Variants in LRP1B observed in about 807,000 individuals in gnomAD.
LRP1B encodes LDL receptor related protein 1B.
Under a neutral mutation model 556.6 loss-of-function variants are expected in LRP1B, and 217 were observed. The ratio of observed to expected loss-of-function variants is 0.39; its 90% CI spans 0.35 to 0.44. LRP1B has a LOEUF of 0.44. Ranked by LOEUF, LRP1B falls within the 20% of genes least tolerant of loss-of-function variation. The probability of loss-of-function intolerance (pLI) is 1.00; values close to 1 mark genes in which losing one functional copy is unlikely to be tolerated. For missense variants in LRP1B, 5,053 were observed against 5,620.8 expected (o/e 0.90, Z 3.23); for synonymous variants, 2,047 against 1,865.8 (o/e 1.10, Z -2.50).
chr2:140,857,132 A>C (rs1343324656), intron 27 of LRP1B, among the ~76,000 whole-genome samples: 2 of 152,188 alleles, frequency 1.3e-5, no homozygotes, highest in Non-Finnish European at 2.9e-5. Context: ...CTTTAAATCC[A>C]AACAACCAGT....
intron 7 of LRP1B, among the ~76,000 whole-genome samples, chr2:141,159,381 GT>G (rs1702147728): frequency 2.0e-5 from 3 of 152,114 alleles, no homozygotes; most frequent in Admixed American, 1.3e-4. Flanking sequence ...TCATTAATAA[GT>G]TTTTATTTTT....
rs1393041210 is a variant in LRP1B, at chr2:140,526,259, A to G, written c.7854T>C (p.Asp2618=). ...TACTGCAGTTCTTTTCATCTGAAGC[A>G]TCTGCACAATCTATGTTCTGGTTGC... ...ARCNQNIDCA[D]ASDEKNCNNT... is the part of the protein sequence containing the mutation. The change falls in exon 48 of 91, where the codon GAT becomes GAC. Residue 2618 remains aspartate (D), a synonymous_variant. Transcript: ENST00000389484. 1.9e-6 allele frequency: 3 copies of G among 1,611,800 alleles called. No homozygotes were observed. The highest frequency in any genetic ancestry group is 2.7e-5 in the African/African-American group (2 of 74,786).
intron 18 of LRP1B, among the ~76,000 whole-genome samples, chr2:140,978,187 G>A (rs1226000690): frequency 1.3e-5 from 2 of 152,144 alleles, no homozygotes; most frequent in African/African-American, 2.4e-5. Flanking sequence ...CCTAAAATGT[G>A]CAATTAACTC....
intron 7 of LRP1B, among the ~76,000 whole-genome samples, chr2:141,145,748 G>T (rs1273372033): frequency 6.6e-6 from 1 of 151,664 alleles, no homozygotes; most frequent in Non-Finnish European, 1.5e-5. Flanking sequence ...GGTCAGGCTG[G>T]TCTCATACTC....
At chr2:140,368,106 T>C (rs143562076) in intron 71 of LRP1B, among the ~76,000 whole-genome samples, 3 of 151,928 alleles carry the variant, frequency 2.0e-5, no homozygotes, top group African/African-American at 7.2e-5. Context: ...CTGTGACATC[T>C]TGAGACTCAC....
chr2:141,004,999 T>G (rs189037943), intron 15 of LRP1B, among the ~76,000 whole-genome samples: 1 of 152,144 alleles, frequency 6.6e-6, no homozygotes, highest in East Asian at 1.9e-4. Flanking sequence ...TAGGCCTATG[T>G]TGTGCGTCAA....
intron 3 of LRP1B, among the ~76,000 whole-genome samples, chr2:141,379,479 C>G (rs1689561097): frequency 6.6e-6 from 1 of 152,112 alleles, no homozygotes; most frequent in Admixed American, 6.5e-5. Flanking sequence ...ATTTCCTGTG[C>G]AAGAATTCAG....
chr2:142,030,483 G>A (rs1176851850), intron 1 of LRP1B, among the ~76,000 whole-genome samples: 1 of 151,850 alleles, frequency 6.6e-6, no homozygotes, highest in African/African-American at 2.4e-5. Context: ...TCACAATTAA[G>A]TTGATACTGA....
intron 83 of LRP1B, among the ~76,000 whole-genome samples, chr2:140,305,102 T>G (rs893812651): frequency 2.0e-5 from 3 of 152,202 alleles, no homozygotes; most frequent in Admixed American, 6.5e-5. Flanking sequence ...TGCCTCCAGC[T>G]TTGTTCTTTT....
At chr2:140,878,706 C>A (rs1229628197) in intron 25 of LRP1B, among the ~76,000 whole-genome samples, 1 of 151,906 alleles carries the variant, frequency 6.6e-6, no homozygotes, top group Non-Finnish European at 1.5e-5. Flanking sequence ...GAGAGATTTG[C>A]AAGCTTAAAA....
intron 11 of LRP1B, among the ~76,000 whole-genome samples, chr2:141,030,362 T>C (rs1698333376): frequency 6.6e-6 from 1 of 152,114 alleles, no homozygotes. Flanking sequence ...TATATCTTTT[T>C]TATCTTGAAA....
intron 1 of LRP1B, among the ~76,000 whole-genome samples, chr2:141,890,385 T>TAC (rs1699253936): frequency 1.7e-5 from 1 of 57,168 alleles, no homozygotes; most frequent in African/African-American, 4.5e-5. Context: ...TGTGTATACA[T>TAC]ATATAGTGTA....
chr2:141,726,662 CA>C (rs1364279164), intron 2 of LRP1B, among the ~76,000 whole-genome samples: 4 of 151,928 alleles, frequency 2.6e-5, no homozygotes, highest in Non-Finnish European at 5.9e-5. Context: ...GTACTGGAAT[CA>C]AAAGCAATAA....
At chr2:141,242,269 A>G (rs544016496) in intron 5 of LRP1B, among the ~76,000 whole-genome samples, 58 of 152,196 alleles carry the variant, frequency 3.8e-4, no homozygotes, top group African/African-American at 7.2e-4. Context: ...GCAGCAAACC[A>G]TGGGTAAATT....
rs1559137551 is a variant in LRP1B at position 141,553,845 on chromosome 2, T to TTAATATAGTTATATAATATATCTATAA, written c.206-73339_206-73313dup. Among the ~76,000 whole-genome samples, 115 of 137,482 alleles carry TTAATATAGTTATATAATATATCTATAA rather than the reference T, an allele frequency of 8.4e-4. 1 individual carries two copies. Among genetic ancestry groups the TTAATATAGTTATATAATATATCTATAA allele is most frequent in the Admixed American group, 2.9e-3 (38 of 12,984 alleles). 90.2% of individuals were successfully genotyped at this position (137,482 alleles called of 152,430 possible). A position where few individuals can be genotyped will look rare whatever the true frequency, so the allele number is the denominator to read the frequency against. ...GATATAGGTATATAATATATCTATA[T>TTAATATAGTTATATAATATATCTATAA]TAATATAGTTATATAATATATCTAT... On this transcript the variant is annotated intron_variant, in intron 2 of 90. Transcript: ENST00000389484.
intron 2 of LRP1B, among the ~76,000 whole-genome samples, chr2:141,766,276 A>G (rs1694729857): frequency 6.6e-6 from 1 of 152,198 alleles, no homozygotes; most frequent in Non-Finnish European, 1.5e-5. Context: ...AATTGATTGT[A>G]CAAATTTCAA....
At chr2:140,681,652 G>A (rs1483202370) in intron 41 of LRP1B, among the ~76,000 whole-genome samples, 2 of 152,028 alleles carry the variant, frequency 1.3e-5, no homozygotes, top group African/African-American at 4.8e-5. Flanking sequence ...AAGACTATAG[G>A]GAGGTAATAA....
intron 7 of LRP1B, among the ~76,000 whole-genome samples, chr2:141,163,610 G>A (rs79279776): frequency 0.033 from 5,065 of 152,086 alleles, 142 homozygotes; most frequent in East Asian, 0.16. Context: ...ACTGAATCAT[G>A]GGGGTGGTTC....
intron 3 of LRP1B, among the ~76,000 whole-genome samples, chr2:141,355,747 A>AATC (rs199666224): frequency 0.012 from 1,782 of 151,814 alleles, 24 homozygotes; most frequent in Middle Eastern, 0.02. Context: ...TATAAGAGAT[A>AATC]ATCTATCTCC....
Sources: allele counts gnomAD v4.1 joint callset (sites outside exome capture counted in the v4.1 genomes callset), GRCh38; gene constraint gnomAD v4.1.1; transcripts MANE v1.5; gene names NCBI Gene and HGNC (gene_info 2026-07-23, HGNC 2026-07-21).